RIPOR2: variants seen among roughly 807,000 people sequenced by gnomAD.
RIPOR2 encodes rho family-interacting cell polarization regulator 2.
Under a neutral mutation model 114.5 loss-of-function variants are expected in RIPOR2, and 39 were observed. That is an observed-to-expected ratio of 0.34 (90% confidence interval 0.26 to 0.44). The LOEUF (loss-of-function observed/expected upper bound fraction) is 0.44, where lower values mean the gene tolerates loss of function less well. Among genes scored for constraint, RIPOR2 ranks in the 20% least tolerant of loss-of-function variants. The pLI is 1.00. For synonymous variants in RIPOR2, 445 were observed against 484.4 expected, an observed-to-expected ratio of 0.92 and a Z score of 1.07; for missense variants, 1,007 against 1,255.1, an observed-to-expected ratio of 0.80 and a Z score of 2.99.
rs1475452408 is a variant in RIPOR2 at position 24,806,429 on chromosome 6, G to A, written c.3088C>T (p.Arg1030Ter). The A allele has an allele frequency of 2.0e-5, 31 of 1,551,700 alleles. No individual in the cohort carries two copies. Among genetic ancestry groups the A allele is most frequent in the African/African-American group, 2.7e-5 (2 of 73,132 alleles). Residue 1030 changes from arginine (R) to a stop codon, truncating the protein, a stop_gained, in exon 22 of 22, where the codon CGA becomes TGA. Transcript: ENST00000643898. LOFTEE classifies it high-confidence loss of function. ...LAYEQLDKFP[R>*]DCVKVGGRHG... The stretch of plus-strand genomic sequence containing the variant: ...CGACCTCCGACTTTAACACAGTCTC[G>A]AGGAAATTTGTCCAATTGTTCATAT...
intron 1 of RIPOR2, among the ~76,000 whole-genome samples, chr6:24,910,332 C>T (rs1284865569): frequency 6.6e-6 from 1 of 152,046 alleles, no homozygotes; most frequent in Non-Finnish European, 1.5e-5. Context: ...AAACGGGCAG[C>T]CCGGGGGCAA....
At chr6:24,962,988 C>G (rs1773370234) in intron 1 of RIPOR2, among the ~76,000 whole-genome samples, 1 of 152,154 alleles carries the variant, frequency 6.6e-6, no homozygotes, top group Non-Finnish European at 1.5e-5. Context: ...CTGTGTCTAT[C>G]CCTTTCTTTG....
intron 1 of RIPOR2, among the ~76,000 whole-genome samples, chr6:24,880,233 A>G (rs911255058): frequency 1.3e-5 from 2 of 152,224 alleles, no homozygotes; most frequent in Admixed American, 1.3e-4. Flanking sequence ...AATGATATAA[A>G]TGTTAGTCAT....
intron 1 of RIPOR2, among the ~76,000 whole-genome samples, chr6:25,034,811 C>A (rs901044795): frequency 6.6e-6 from 1 of 152,216 alleles, no homozygotes; most frequent in Non-Finnish European, 1.5e-5. Context: ...CTGTCCAGAT[C>A]ATGTACATAC....
chr6:24,943,450 C>T (rs1023530829), intron 1 of RIPOR2, among the ~76,000 whole-genome samples: 6 of 151,970 alleles, frequency 3.9e-5, no homozygotes, highest in Non-Finnish European at 7.4e-5. Flanking sequence ...ATGTGACTAA[C>T]CTGCATGTTG....
In RIPOR2 at chr6:24,839,111, G is replaced by A; in HGVS notation, c.2019C>T (p.Asp673=). The change falls in exon 14 of 22, where the codon GAC becomes GAT. Residue 673 remains aspartate (D), a synonymous_variant. Coordinates refer to ENST00000643898, the MANE Select transcript of RIPOR2 (RefSeq NM_001286445.3). The stretch of plus-strand genomic sequence containing the variant: ...CTTACCTGTGTTTCTCAGTCTCAGT[G>A]TCTGAAAATACTGAGTCAGCACCTC... ...VGGGADSVFS[D]TETEKHSYRS... 1 of 1,551,426 alleles carries A rather than the reference G, an allele frequency of 6.4e-7. No individual in the cohort carries two copies. The highest frequency in any genetic ancestry group is 8.7e-7 in the Non-Finnish European group (1 of 1,146,774).
intron 1 of RIPOR2, among the ~76,000 whole-genome samples, chr6:24,993,298 C>T (rs537366354): frequency 1.3e-5 from 2 of 152,158 alleles, no homozygotes; most frequent in African/African-American, 2.4e-5. Context: ...ATAGTTAGAC[C>T]TTCTTGTTGA....
At chr6:25,042,058 TA>T (rs35331447), upstream of RIPOR2, 221,904 of 437,516 alleles carry the variant, frequency 0.51, 34,181 homozygotes, top group African/African-American at 0.78. Flanking sequence ...GTTCTTTTCT[TA>T]AAAAAAAAAA....
intron 1 of RIPOR2, among the ~76,000 whole-genome samples, chr6:24,917,856 T>C (rs998187462): frequency 1.3e-5 from 2 of 152,196 alleles, no homozygotes; most frequent in African/African-American, 2.4e-5. Flanking sequence ...AGGTTCTAAG[T>C]TGACTTTCAC....
intron 1 of RIPOR2, among the ~76,000 whole-genome samples, chr6:24,995,094 C>T (rs942886790): frequency 1.3e-5 from 2 of 152,132 alleles, no homozygotes; most frequent in South Asian, 2.1e-4. Context: ...GAGCTACCAG[C>T]GTGGGGACTT....
At position 24,806,407 on chromosome 6, in the gene RIPOR2, C is replaced by A. The variant is rs1279522359; in HGVS notation, c.3110G>T (p.Gly1037Val). 2 of 1,551,650 alleles carry A rather than the reference C, an allele frequency of 1.3e-6. No individual in the cohort carries two copies. The highest frequency in any genetic ancestry group is 2.0e-5 in the Admixed American group (1 of 50,958). ...TGTGGCAACTTCAGTTCCATGACGACCTCCGACTTTAACACAGTCTCGAGG... is the reference window on the plus strand; with the variant it reads ...TGTGGCAACTTCAGTTCCATGACGAACTCCGACTTTAACACAGTCTCGAGG... ...KFPRDCVKVG[G>V]RHGTEVATAF The change falls in exon 22 of 22, where the codon GGT becomes GTT. Residue 1037 changes from glycine to valine, a missense_variant. Coordinates refer to ENST00000643898, the MANE Select transcript of RIPOR2 (RefSeq NM_001286445.3).
intron 1 of RIPOR2, among the ~76,000 whole-genome samples, chr6:24,946,336 A>G (rs1250550122): frequency 2.0e-5 from 3 of 152,134 alleles, no homozygotes; most frequent in African/African-American, 7.2e-5. Context: ...CGGCCTCTCA[A>G]AGTGCTGGGA....
chr6:25,023,201 G>T, intron 1 of RIPOR2: 2 of 633,708 alleles, frequency 3.2e-6, no homozygotes, highest in South Asian at 1.4e-5. Flanking sequence ...CCTGTACTTG[G>T]GGGATCTGCA....
intron 1 of RIPOR2, among the ~76,000 whole-genome samples, chr6:24,928,253 G>A (rs896012276): frequency 6.6e-6 from 1 of 152,096 alleles, no homozygotes; most frequent in Non-Finnish European, 1.5e-5. Context: ...TTTTAGTCAC[G>A]TAATTTATCT....
chr6:24,973,760 G>C (rs971760678), intron 1 of RIPOR2, among the ~76,000 whole-genome samples: 1 of 151,950 alleles, frequency 6.6e-6, no homozygotes, highest in Non-Finnish European at 1.5e-5. Flanking sequence ...ATACAATGCA[G>C]CCACAAAAAA....
intron 20 of RIPOR2, among the ~76,000 whole-genome samples, chr6:24,817,813 C>A (rs1057168831): frequency 3.3e-5 from 5 of 152,084 alleles, no homozygotes; most frequent in African/African-American, 1.2e-4. Context: ...ATAAAGAGAG[C>A]TTGCGGGGAA....
At chr6:24,946,676 AG>A in intron 1 of RIPOR2, among the ~76,000 whole-genome samples, 1 of 152,296 alleles carries the variant, frequency 6.6e-6, no homozygotes, top group Non-Finnish European at 1.5e-5. Context: ...GACTGGGATC[AG>A]GGGGTTCCTG....
chr6:24,902,636 T>G (rs1276193211), intron 1 of RIPOR2, among the ~76,000 whole-genome samples: 1 of 152,216 alleles, frequency 6.6e-6, no homozygotes, highest in Non-Finnish European at 1.5e-5. Flanking sequence ...GAAAACAAGT[T>G]ATTTGGATTC....
At chr6:24,925,995 C>G (rs1190853221) in intron 1 of RIPOR2, among the ~76,000 whole-genome samples, 1 of 151,994 alleles carries the variant, frequency 6.6e-6, no homozygotes, top group Non-Finnish European at 1.5e-5. Flanking sequence ...GAAGTTTTAC[C>G]ACTGAAAATA....
Sources: allele counts gnomAD v4.1 joint callset (sites outside exome capture counted in the v4.1 genomes callset), GRCh38; gene constraint gnomAD v4.1.1; transcripts MANE v1.5; gene names NCBI Gene and HGNC (gene_info 2026-07-23, HGNC 2026-07-21).